The following TMEM132D variants were observed in gnomAD, a reference collection of about 807,000 sequenced individuals.
The protein encoded by TMEM132D is transmembrane protein 132D, also known as mature OL transmembrane protein.
TMEM132D carries 21 observed loss-of-function variants against 62.3 expected under a neutral mutation model. The observed-to-expected ratio is 0.34, with a 90% CI of 0.24 to 0.49. TMEM132D has a LOEUF of 0.49. TMEM132D is among the 20% of genes least tolerant of loss of function. TMEM132D has a pLI of 0.99. For synonymous variants in TMEM132D, 621 were observed against 575.6 expected, an observed-to-expected ratio of 1.08 and a Z score of -1.13; for missense variants, 1,346 against 1,402.8, an observed-to-expected ratio of 0.96 and a Z score of 0.65.
intron 1 of TMEM132D, among the ~76,000 whole-genome samples, chr12:129,825,988 G>A (rs942921919): frequency 1.1e-4 from 16 of 152,166 alleles, no homozygotes; most frequent in Admixed American, 7.9e-4. Flanking sequence ...CATGAGCTCA[G>A]GGGGCAGAGG....
intron 3 of TMEM132D, among the ~76,000 whole-genome samples, chr12:129,516,011 T>C (rs148172901): frequency 3.6e-4 from 55 of 152,320 alleles, no homozygotes; most frequent in African/African-American, 1.2e-3. Flanking sequence ...TACAATGACA[T>C]TGACAATCAG....
At chr12:129,546,065 A>G (rs1052881420) in intron 2 of TMEM132D, among the ~76,000 whole-genome samples, 14 of 152,118 alleles carry the variant, frequency 9.2e-5, no homozygotes, top group Non-Finnish European at 5.9e-5. Flanking sequence ...CTCTGTTAGC[A>G]TCTTCTGCAG....
At chr12:129,335,980 G>A (rs77468240) in intron 4 of TMEM132D, among the ~76,000 whole-genome samples, 10 of 152,188 alleles carry the variant, frequency 6.6e-5, no homozygotes, top group South Asian at 2.1e-4. Flanking sequence ...CAGCAGCTAT[G>A]TTGGACCATG....
At chr12:129,599,918 G>T (rs1878441789) in intron 2 of TMEM132D, among the ~76,000 whole-genome samples, 1 of 152,210 alleles carries the variant, frequency 6.6e-6, no homozygotes, top group Non-Finnish European at 1.5e-5. Context: ...CCTCCATGTG[G>T]ATGGCTGCTG....
chr12:129,114,071 A>G (rs1371551511), intron 5 of TMEM132D, among the ~76,000 whole-genome samples: 1 of 152,146 alleles, frequency 6.6e-6, no homozygotes, highest in African/African-American at 2.4e-5. Flanking sequence ...AGGTACAGAC[A>G]TCCCTCAGCA....
intron 2 of TMEM132D, among the ~76,000 whole-genome samples, chr12:129,683,921 C>T (rs1043905562): frequency 6.6e-6 from 1 of 152,098 alleles, no homozygotes; most frequent in Non-Finnish European, 1.5e-5. Flanking sequence ...TGCTTTGAGT[C>T]TTGTTGAAAA....
chr12:129,861,460 CTTAG>C (rs529569727), intron 1 of TMEM132D, among the ~76,000 whole-genome samples: 338 of 152,304 alleles, frequency 2.2e-3, no homozygotes, highest in Non-Finnish European at 4.0e-3. Context: ...AAGATGTAGG[CTTAG>C]TTAAATGATT....
intron 2 of TMEM132D, among the ~76,000 whole-genome samples, chr12:129,637,480 C>A (rs1179669167): frequency 6.6e-6 from 1 of 152,020 alleles, no homozygotes; most frequent in Non-Finnish European, 1.5e-5. Flanking sequence ...CCCCCTTGGT[C>A]CTGTGTAGTG....
chr12:129,481,465 A>C (rs1874427235), intron 3 of TMEM132D, among the ~76,000 whole-genome samples: 1 of 46,782 alleles, frequency 2.1e-5, no homozygotes, highest in South Asian at 6.8e-4. Context: ...CCTGTCTCCA[A>C]AAAAAAAAAA....
At chr12:129,871,293 G>T (rs1874233706) in intron 1 of TMEM132D, among the ~76,000 whole-genome samples, 1 of 152,082 alleles carries the variant, frequency 6.6e-6, no homozygotes, top group South Asian at 2.1e-4. Flanking sequence ...GAGGATGGAG[G>T]TCATCCTGAA....
chr12:129,711,981 C>T (rs1868384580), intron 1 of TMEM132D, among the ~76,000 whole-genome samples: 2 of 151,800 alleles, frequency 1.3e-5, no homozygotes, highest in Non-Finnish European at 2.9e-5. Flanking sequence ...AGTTGGAAAC[C>T]ACCTTGTGGA....
At chr12:129,830,302 A>G (rs951838432) in intron 1 of TMEM132D, among the ~76,000 whole-genome samples, 1 of 152,202 alleles carries the variant, frequency 6.6e-6, no homozygotes, top group Non-Finnish European at 1.5e-5. Flanking sequence ...TATATCATCC[A>G]GAAGAGCTGT....
intron 1 of TMEM132D, among the ~76,000 whole-genome samples, chr12:129,828,643 A>AGAAAGGGAAGAAAGGGAAGGAAG (rs1872724375): frequency 8.1e-6 from 1 of 123,600 alleles, no homozygotes; most frequent in African/African-American, 3.2e-5. Context: ...GAAGAAGAGA[A>AGAAAGGGAAGAAAGGGAAGGAAG]GAAAGGGAAG....
At chr12:129,583,041 T>C (rs1048575507) in intron 2 of TMEM132D, among the ~76,000 whole-genome samples, 1 of 151,866 alleles carries the variant, frequency 6.6e-6, no homozygotes, top group African/African-American at 2.4e-5. Flanking sequence ...ATCTCCTGAC[T>C]TTGTGATCTG....
chr12:129,448,634 G>A (rs1873178200), intron 3 of TMEM132D, among the ~76,000 whole-genome samples: 1 of 152,128 alleles, frequency 6.6e-6, no homozygotes, highest in Non-Finnish European at 1.5e-5. Flanking sequence ...TCATTGGTGA[G>A]CATTTACGTT....
chr12:129,359,169 GAC>G (rs1870169010), intron 3 of TMEM132D, among the ~76,000 whole-genome samples: 1 of 152,108 alleles, frequency 6.6e-6, no homozygotes, highest in Non-Finnish European at 1.5e-5. Flanking sequence ...AAATAAGCCA[GAC>G]ACATAGTACA....
intron 1 of TMEM132D, among the ~76,000 whole-genome samples, chr12:129,788,902 C>T (rs1340419421): frequency 6.6e-6 from 1 of 151,966 alleles, no homozygotes; most frequent in Non-Finnish European, 1.5e-5. Context: ...GTGTGGGGAA[C>T]AGGGGAGGGC....
intron 1 of TMEM132D, among the ~76,000 whole-genome samples, chr12:129,829,424 T>A (rs1274062657): frequency 6.6e-6 from 1 of 152,102 alleles, no homozygotes; most frequent in Non-Finnish European, 1.5e-5. Flanking sequence ...AATTTTTCCA[T>A]GACAAATGTG....
chr12:129,700,424 T>A lies in TMEM132D; in HGVS notation c.354A>T (p.Gly118=). 6.2e-7 allele frequency: 1 copy of A among 1,614,076 alleles called. No homozygotes were observed. Among genetic ancestry groups the A allele is most frequent in the South Asian group, 1.1e-5 (1 of 91,072 alleles). Residue 118 remains glycine (G), a synonymous_variant, in exon 2 of 9, where the codon GGA becomes GGT. Transcript: ENST00000422113. ...QDLMLPSNPF[G]FTNKFSLNWK... ...AGTTAAGAGAAAATTTGTTGGTGAA[T>A]CCAAATGGGTTGGAAGGTAGCATTA...
Sources: allele counts gnomAD v4.1 joint callset (sites outside exome capture counted in the v4.1 genomes callset), GRCh38; gene constraint gnomAD v4.1.1; transcripts MANE v1.5; gene names NCBI Gene and HGNC (gene_info 2026-07-23, HGNC 2026-07-21).